ZSCAN20: variants seen among roughly 807,000 people sequenced by gnomAD.
ZSCAN20 encodes zinc finger and SCAN domain-containing protein 20.
ZSCAN20 carries 39 observed loss-of-function variants against 97.1 expected under a neutral mutation model. The ratio of observed to expected loss-of-function variants is 0.40; its 90% CI spans 0.31 to 0.52. The LOEUF is 0.52. Ranked by LOEUF, ZSCAN20 falls within the 20% of genes least tolerant of loss-of-function variation. The pLI is 0.49. For missense variants in ZSCAN20, 1,115 were observed against 1,290.4 expected (o/e 0.86, Z 2.08); for synonymous variants, 456 against 467.3 (o/e 0.98, Z 0.31).
intron 2 of ZSCAN20, 50 bp downstream of exon 2, chr1:33,479,755 A>G: frequency 6.9e-7 from 1 of 1,449,832 alleles, no homozygotes; most frequent in Non-Finnish European, 9.1e-7. Flanking sequence ...GCAAGGCAGC[A>G]GGGTTGTGAC....
In ZSCAN20 at chr1:33,501,300, G is replaced by A. The variant is rs1301871917; in HGVS notation, c.*5824G>A. Among the ~76,000 whole-genome samples, 1 of 152,192 alleles carries A rather than the reference G, an allele frequency of 6.6e-6. No homozygotes were observed. The highest frequency in any genetic ancestry group is 1.5e-5 in the Non-Finnish European group (1 of 68,022). On this transcript the variant is annotated 3_prime_UTR_variant, in exon 8 of 8. Transcript: ENST00000684572. Reference sequence around the variant, plus strand: ...TGGTGTGTCCTGGAGAAGCACAGGTGTCATCTCCAGGGACCTTTCTCGACC... The same window carrying A: ...TGGTGTGTCCTGGAGAAGCACAGGTATCATCTCCAGGGACCTTTCTCGACC...
Position 33,493,753 on chromosome 1 carries a change from G to T in ZSCAN20, c.1873+138G>T. The T allele has an allele frequency of 3.1e-6, 3 of 963,624 alleles. No homozygotes were observed. The highest frequency in any genetic ancestry group is 4.5e-6 in the Non-Finnish European group (3 of 668,070). 59.7% of individuals were successfully genotyped at this position (963,624 alleles called of 1,614,324 possible). A position where few individuals can be genotyped will look rare whatever the true frequency, so the allele number is the denominator to read the frequency against. On this transcript the variant is annotated intron_variant, in intron 7 of 7. Coordinates refer to ENST00000684572, the MANE Select transcript of ZSCAN20 (RefSeq NM_001377376.1). The surrounding 1 kb of genome is among the most constrained non-coding windows in gnomAD (Gnocchi z 4.3). ...GGAAAAAGTATTTCTGCTTTGCTCA[G>T]ATTATCCAGTCTCTAGCTTTGTGTG... is the stretch of plus-strand genomic sequence containing the variant.
chr1:33,486,944 C>CA (rs1652392136), intron 2 of ZSCAN20, among the ~76,000 whole-genome samples: 3 of 151,708 alleles, frequency 2.0e-5, no homozygotes, highest in African/African-American at 7.3e-5. Context: ...TCAGGCCAGC[C>CA]AAAAAAGTTT....
chr1:33,486,241 A>G (rs1310992938), intron 2 of ZSCAN20, among the ~76,000 whole-genome samples: 1 of 152,176 alleles, frequency 6.6e-6, no homozygotes, highest in African/African-American at 2.4e-5. Flanking sequence ...AAAACTTACA[A>G]AAATGTGCCC....
chr1:33,491,299 C>G lies in ZSCAN20; in HGVS notation c.1041C>G (p.Leu347=), dbSNP rs1557443240. The G allele has an allele frequency of 6.2e-7, 1 of 1,614,174 alleles. No homozygotes were observed. The highest frequency in any genetic ancestry group is 8.5e-7 in the Non-Finnish European group (1 of 1,180,032). The part of the protein sequence containing the change: ...ILSESPFSEK[L]RTCHQNRQVY... ...GTGAATCTCCTTTCTCTGAAAAGCT[C>G]CGGACTTGTCACCAGAACCGCCAGG... Residue 347 remains leucine, a synonymous_variant, in exon 6 of 8, where the codon CTC becomes CTG. Transcript: ENST00000684572. This position sits in a 1 kb window ranked among gnomAD's most constrained non-coding sequence, Gnocchi z 4.3.
Position 33,491,765 on chromosome 1 carries a change from TC to T in ZSCAN20, c.1444+66del. ...ACCCTCCTACCAGCTAGACTGCTAT[TC>T]CCTGAGGTCAGGGCACAGGCTGCAA... On this transcript the variant is annotated intron_variant, in intron 6 of 7. Transcript: ENST00000684572. The surrounding 1 kb of genome is among the most constrained non-coding windows in gnomAD (Gnocchi z 4.3). 1 of 1,487,702 alleles carries T rather than the reference TC, an allele frequency of 6.7e-7. No individual in the cohort carries two copies. The highest frequency in any genetic ancestry group is 9.0e-7 in the Non-Finnish European group (1 of 1,109,436). The allele number at this position is 1,487,702 out of a possible 1,614,324, so 92.2% of individuals were successfully genotyped here. A position where few individuals can be genotyped will look rare whatever the true frequency, so the allele number is the denominator to read the frequency against.
At chr1:33,477,381 G>A (rs1570544556) in intron 1 of ZSCAN20, among the ~76,000 whole-genome samples, 1 of 152,048 alleles carries the variant, frequency 6.6e-6, no homozygotes, top group East Asian at 1.9e-4. Context: ...ATTCAGTTGT[G>A]TCATTCCCAC....
rs779195387 is a variant in ZSCAN20 at position 33,500,251 on chromosome 1, C to T, written c.*4775C>T. ...CTTACCTTATTGTTGCTTCCCCCAC[C>T]CCATGCTGCAGCTGAGTGGGTGACC... is the stretch of plus-strand genomic sequence containing the variant. On this transcript the variant is annotated 3_prime_UTR_variant, in exon 8 of 8. Coordinates refer to ENST00000684572, the MANE Select transcript of ZSCAN20 (RefSeq NM_001377376.1). 1.3e-4 allele frequency among the ~76,000 whole-genome samples: 20 copies of T among 152,228 alleles called. No individual in the cohort carries two copies. Among genetic ancestry groups the T allele is most frequent in the Non-Finnish European group, 2.5e-4 (17 of 68,010 alleles).
chr1:33,493,133 G>T lies in ZSCAN20; in HGVS notation c.1445-54G>T. ...AGGGCAGGTGACTTTATTCTCTGAT[G>T]ACCTAGGCACATCTCATTAAGTCTC... On this transcript the variant is annotated intron_variant, in intron 6 of 7. Coordinates refer to ENST00000684572, the MANE Select transcript of ZSCAN20 (RefSeq NM_001377376.1). This position sits in a 1 kb window ranked among gnomAD's most constrained non-coding sequence, Gnocchi z 4.3. 1.3e-6 allele frequency: 2 copies of T among 1,556,498 alleles called. No individual in the cohort carries two copies. Among genetic ancestry groups the T allele is most frequent in the South Asian group, 2.3e-5 (2 of 86,300 alleles).
intron 1 of ZSCAN20, among the ~76,000 whole-genome samples, chr1:33,476,976 A>T (rs906903461): frequency 1.3e-5 from 2 of 152,230 alleles, no homozygotes; most frequent in African/African-American, 4.8e-5. Flanking sequence ...AGCACTGTGG[A>T]TACAGAAATT....
At chr1:33,474,751 T>G (rs1651857252) in intron 1 of ZSCAN20, among the ~76,000 whole-genome samples, 1 of 152,212 alleles carries the variant, frequency 6.6e-6, no homozygotes, top group South Asian at 2.1e-4. Context: ...CTAGTTTCTT[T>G]TGGAAAAATC....
intron 1 of ZSCAN20, among the ~76,000 whole-genome samples, chr1:33,476,374 C>T (rs1350115863): frequency 1.3e-5 from 2 of 152,186 alleles, no homozygotes; most frequent in East Asian, 1.9e-4. Flanking sequence ...TGGGGCTTTC[C>T]GATTTCTATT....
At position 33,496,173 on chromosome 1, in the gene ZSCAN20, C is replaced by A. The variant is rs1652855378; in HGVS notation, c.*697C>A. On this transcript the variant is annotated 3_prime_UTR_variant, in exon 8 of 8. Coordinates refer to ENST00000684572, the MANE Select transcript of ZSCAN20 (RefSeq NM_001377376.1). ...TAAGTAACTCGCACTGGTCACACAT[C>A]TGTAAGTGGGAGAGGCAGGATTCAA... The A allele has an allele frequency of 6.6e-6, 1 of 152,204 alleles. No individual in the cohort carries two copies. The highest frequency in any genetic ancestry group is 1.5e-5 in the Non-Finnish European group (1 of 68,044). 9.4% of individuals were successfully genotyped at this position (152,204 alleles called of 1,614,324 possible). A position where few individuals can be genotyped will look rare whatever the true frequency, so the allele number is the denominator to read the frequency against.
chr1:33,479,740 G>A (rs1652072699), intron 2 of ZSCAN20, 35 bp downstream of exon 2: 2 of 1,467,358 alleles, frequency 1.4e-6, no homozygotes, highest in African/African-American at 2.8e-5. Context: ...AGAGGAGTGG[G>A]TCAGGCAAGG....
At chr1:33,473,250 C>T (rs774829707) in intron 1 of ZSCAN20, among the ~76,000 whole-genome samples, 2 of 152,150 alleles carry the variant, frequency 1.3e-5, no homozygotes, top group Admixed American at 1.3e-4. Flanking sequence ...ACCTACCTAC[C>T]TACCTACTTA....
At position 33,497,573 on chromosome 1, in the gene ZSCAN20, C is replaced by T. The variant is rs573257143; in HGVS notation, c.*2097C>T. On this transcript the variant is annotated 3_prime_UTR_variant, in exon 8 of 8. Transcript: ENST00000684572. ...GTGAATGGAGTGTCAACACCAGGCC[C>T]GGGGCAATGTTCAGATGTGCATGGT... Among the ~76,000 whole-genome samples, 6 of 152,150 alleles carry T rather than the reference C, an allele frequency of 3.9e-5. No homozygotes were observed. Among genetic ancestry groups the T allele is most frequent in the Admixed American group, 1.3e-4 (2 of 15,278 alleles).
intron 2 of ZSCAN20, among the ~76,000 whole-genome samples, chr1:33,482,376 C>G (rs1652187632): frequency 6.6e-6 from 1 of 152,186 alleles, no homozygotes; most frequent in Non-Finnish European, 1.5e-5. Context: ...ATTTAAGTTT[C>G]CTCCACGTCT....
chr1:33,494,658 G>A lies in ZSCAN20; in HGVS notation c.2314G>A (p.Gly772Arg), dbSNP rs1652777685. 6.2e-7 allele frequency: 1 copy of A among 1,614,128 alleles called. No homozygotes were observed. The highest frequency in any genetic ancestry group is 8.5e-7 in the Non-Finnish European group (1 of 1,180,020). ...GEKPYKCLECGKSFSDHSNLI... is the reference protein window; with the variant it reads ...GEKPYKCLECRKSFSDHSNLI... The stretch of plus-strand genomic sequence containing the variant: ...GAAGCCCTATAAATGCCTTGAATGT[G>A]GGAAAAGCTTTAGTGACCATTCTAA... The change falls in exon 8 of 8, where the codon GGG becomes AGG. Residue 772 changes from glycine to arginine, a missense_variant. By Grantham distance (125) the Gly-to-Arg change is moderately radical. Transcript: ENST00000684572.
rs540810355 is a variant in ZSCAN20 at position 33,477,090 on chromosome 1, T to C, written c.-110-2089T>C. ...GGATAATACCTATATTAGAGGTATG[T>C]ACCAATTGCTTTGGTGATATAGGAT... On this transcript the variant is annotated intron_variant, in intron 1 of 7. Transcript: ENST00000684572. Among the ~76,000 whole-genome samples the C allele has an allele frequency of 2.0e-5, 3 of 152,310 alleles. No individual in the cohort carries two copies. The East Asian group carries it at 5.8e-4, about 29-fold the overall frequency.
Sources: allele counts gnomAD v4.1 joint callset (sites outside exome capture counted in the v4.1 genomes callset), GRCh38; gene constraint gnomAD v4.1.1; non-coding constraint Gnocchi (gnomAD v3.1); transcripts MANE v1.5; gene names NCBI Gene and HGNC (gene_info 2026-07-23, HGNC 2026-07-21).